OSBPL3: variants seen among roughly 807,000 people sequenced by gnomAD.
OSBPL3 encodes the protein oxysterol binding protein like 3.
In OSBPL3, 65 loss-of-function variants were observed where a neutral mutation model predicts 120.1. The ratio of observed to expected loss-of-function variants is 0.54; its 90% CI spans 0.44 to 0.67. The LOEUF (loss-of-function observed/expected upper bound fraction) is 0.67. Ranked by LOEUF, OSBPL3 falls within the 30% of genes least tolerant of loss-of-function variation. The pLI, the probability that OSBPL3 is intolerant of heterozygous loss-of-function variation, is 0.00. For missense variants in OSBPL3, 1,004 were observed against 1,082.1 expected (o/e 0.93, Z 1.01); for synonymous variants, 416 against 402.6 (o/e 1.03, Z -0.40).
chr7:24,977,675 T>C (rs770833695), intron 1 of OSBPL3, among the ~76,000 whole-genome samples: 1 of 152,034 alleles, frequency 6.6e-6, no homozygotes, highest in Non-Finnish European at 1.5e-5. Context: ...GCTAACACGG[T>C]GAAACCCCGT....
chr7:24,979,420 C>A (rs1817954963), intron 1 of OSBPL3, among the ~76,000 whole-genome samples: 1 of 152,096 alleles, frequency 6.6e-6, no homozygotes, highest in Admixed American at 6.5e-5. Context: ...GGCGGGCGAG[C>A]GGAGCGCCTG....
At chr7:24,963,896 C>G (rs1816081702) in intron 1 of OSBPL3, among the ~76,000 whole-genome samples, 1 of 151,910 alleles carries the variant, frequency 6.6e-6, no homozygotes, top group Non-Finnish European at 1.5e-5. Flanking sequence ...GGGACAAGGA[C>G]TATACAAGAT....
Position 24,852,411 on chromosome 7 carries a change from G to A in OSBPL3, c.1158+93C>T, listed in dbSNP as rs1313188996. On this transcript the variant is annotated intron_variant, in intron 11 of 22. Transcript: ENST00000313367. This position sits in a 1 kb window ranked among gnomAD's most constrained non-coding sequence, Gnocchi z 4.1. Reference sequence around the variant, plus strand: ...AATTTGGATAATTTGGTTTTCTCCTGAATTTTCAACATAATCATGGAAATA... The same window carrying A: ...AATTTGGATAATTTGGTTTTCTCCTAAATTTTCAACATAATCATGGAAATA... 4 of 1,206,602 alleles carry A rather than the reference G, an allele frequency of 3.3e-6. No individual in the cohort carries two copies. In the African/African-American group the frequency reaches 6.2e-5, roughly 19 times the overall value. 74.7% of individuals were successfully genotyped at this position (1,206,602 alleles called of 1,614,324 possible). A position where few individuals can be genotyped will look rare whatever the true frequency, so the allele number is the denominator to read the frequency against.
At chr7:24,828,656 C>G (rs1215025489) in intron 16 of OSBPL3, among the ~76,000 whole-genome samples, 1 of 141,694 alleles carries the variant, frequency 7.1e-6, no homozygotes, top group African/African-American at 2.5e-5. Context: ...GAAGTTCCCA[C>G]TAAATATAAG....
At chr7:24,971,087 G>A (rs1816967871) in intron 1 of OSBPL3, among the ~76,000 whole-genome samples, 1 of 152,242 alleles carries the variant, frequency 6.6e-6, no homozygotes, top group Admixed American at 6.5e-5. Flanking sequence ...AGAGGCAGTG[G>A]CCCAAGGCCC....
intron 1 of OSBPL3, among the ~76,000 whole-genome samples, chr7:24,901,243 C>G (rs1430183676): frequency 1.3e-5 from 2 of 150,660 alleles, no homozygotes; most frequent in Non-Finnish European, 2.9e-5. Flanking sequence ...AGGAGAATTG[C>G]TTGAACCCAG....
chr7:24,959,660 A>G lies in OSBPL3; in HGVS notation c.-150+20226T>C, dbSNP rs984470025. Among the ~76,000 whole-genome samples, 1 of 152,220 alleles carries G rather than the reference A, an allele frequency of 6.6e-6. No individual in the cohort carries two copies. Among genetic ancestry groups the G allele is most frequent in the African/African-American group, 2.4e-5 (1 of 41,460 alleles). The stretch of plus-strand genomic sequence containing the variant: ...TAGATTATATGTTGATGCTTTGTAT[A>G]CTTTTCTGCAGGCATATTATACTTT... On this transcript the variant is annotated intron_variant, in intron 1 of 22. Coordinates refer to ENST00000313367, the MANE Select transcript of OSBPL3 (RefSeq NM_015550.4). This position sits in a 1 kb window ranked among gnomAD's most constrained non-coding sequence, Gnocchi z 4.3.
intron 1 of OSBPL3, among the ~76,000 whole-genome samples, chr7:24,941,556 A>G (rs917771610): frequency 6.6e-6 from 1 of 152,138 alleles, no homozygotes; most frequent in Non-Finnish European, 1.5e-5. Context: ...ACTCCTCTCT[A>G]TGCAAAGACC....
rs1816121295 is a variant in OSBPL3 at position 24,964,210 on chromosome 7, G to T, written c.-150+15676C>A. ...GCTACACCACCCTCAAGGAAGTGCAGTGTAACTCCCCACTCCTTAAGTATG... is the reference window on the plus strand; with the variant it reads ...GCTACACCACCCTCAAGGAAGTGCATTGTAACTCCCCACTCCTTAAGTATG... On this transcript the variant is annotated intron_variant, in intron 1 of 22. Transcript: ENST00000313367. This position sits in a 1 kb window ranked among gnomAD's most constrained non-coding sequence, Gnocchi z 4.2. 6.6e-6 allele frequency among the ~76,000 whole-genome samples: 1 copy of T among 152,176 alleles called. No individual in the cohort carries two copies. Among genetic ancestry groups the T allele is most frequent in the Non-Finnish European group, 1.5e-5 (1 of 68,028 alleles).
chr7:24,964,541 C>T lies in OSBPL3; in HGVS notation c.-150+15345G>A, dbSNP rs945669037. Among the ~76,000 whole-genome samples the T allele has an allele frequency of 1.3e-5, 2 of 152,146 alleles. No individual in the cohort carries two copies. The highest frequency in any genetic ancestry group is 4.8e-5 in the African/African-American group (2 of 41,430). ...CACTACTCCTCAAAGCTCTCGAGGTCATCAAACACAAGGAAAGCCTGAGAA... is the reference window on the plus strand; with the variant it reads ...CACTACTCCTCAAAGCTCTCGAGGTTATCAAACACAAGGAAAGCCTGAGAA... On this transcript the variant is annotated intron_variant, in intron 1 of 22. Coordinates refer to ENST00000313367, the MANE Select transcript of OSBPL3 (RefSeq NM_015550.4). The surrounding 1 kb of genome is among the most constrained non-coding windows in gnomAD (Gnocchi z 4.2).
intron 2 of OSBPL3, among the ~76,000 whole-genome samples, chr7:24,890,363 G>T (rs562578256): frequency 7.2e-5 from 11 of 152,238 alleles, no homozygotes; most frequent in African/African-American, 2.2e-4. Flanking sequence ...TTTAGCAACC[G>T]ACAGACCATC....
Position 24,830,818 on chromosome 7 carries a change from T to G in OSBPL3, c.1834A>C (p.Thr612Pro). ...SKPFNPVLGE[T>P]YECIREDKGF... ...TTGTCCTCCCGAATACATTCATATG[T>G]TTCTCCAAGAACCGGATTAAATGGC... is the stretch of plus-strand genomic sequence containing the variant. The change falls in exon 16 of 23, where the codon ACA (threonine) becomes CCA (proline). Residue 612 changes from threonine (T) to proline (P), a missense_variant. By Grantham distance (38) the Thr-to-Pro change is conservative. Transcript: ENST00000313367. This position sits in a 1 kb window ranked among gnomAD's most constrained non-coding sequence, Gnocchi z 4.4. 3.1e-6 allele frequency: 5 copies of G among 1,614,122 alleles called. No homozygotes were observed. Among genetic ancestry groups the G allele is most frequent in the Non-Finnish European group, 4.2e-6 (5 of 1,180,008 alleles).
rs986372738 is a variant in OSBPL3 at position 24,966,470 on chromosome 7, G to C, written c.-150+13416C>G. Among the ~76,000 whole-genome samples, 2 of 152,182 alleles carry C rather than the reference G, an allele frequency of 1.3e-5. No homozygotes were observed. Among genetic ancestry groups the C allele is most frequent in the Admixed American group, 6.5e-5 (1 of 15,282 alleles). ...ATGCAGAACTCAAAGTAACAAACAAGCTGGAATGTTATTTTGCCCCACGCG... is the reference window on the plus strand; with the variant it reads ...ATGCAGAACTCAAAGTAACAAACAACCTGGAATGTTATTTTGCCCCACGCG... On this transcript the variant is annotated intron_variant, in intron 1 of 22. Coordinates refer to ENST00000313367, the MANE Select transcript of OSBPL3 (RefSeq NM_015550.4). This position sits in a 1 kb window ranked among gnomAD's most constrained non-coding sequence, Gnocchi z 4.8.
chr7:24,942,447 C>A (rs1046421086), intron 1 of OSBPL3, among the ~76,000 whole-genome samples: 2 of 56,974 alleles, frequency 3.5e-5, no homozygotes, highest in African/African-American at 2.5e-4. Flanking sequence ...AGATCCTTCA[C>A]GGGCCTCTTC....
In OSBPL3 at chr7:24,881,846, T is replaced by C. The variant is rs1234975011; in HGVS notation, c.97-9777A>G. Among the ~76,000 whole-genome samples, 1 of 152,220 alleles carries C rather than the reference T, an allele frequency of 6.6e-6. No individual in the cohort carries two copies. Among genetic ancestry groups the C allele is most frequent in the Non-Finnish European group, 1.5e-5 (1 of 68,040 alleles). On this transcript the variant is annotated intron_variant, in intron 2 of 22. Transcript: ENST00000313367. This position sits in a 1 kb window ranked among gnomAD's most constrained non-coding sequence, Gnocchi z 4.3. The stretch of plus-strand genomic sequence containing the variant: ...ATTCCTTGCTTCTCCCTCTGGTGGC[T>C]GCCAGCATTCCATGGCATGGCTTGG...
In OSBPL3 at chr7:24,867,453, T is replaced by C. The variant is rs1474095250; in HGVS notation, c.382-1216A>G. 6.6e-6 allele frequency among the ~76,000 whole-genome samples: 1 copy of C among 152,188 alleles called. No individual in the cohort carries two copies. The highest frequency in any genetic ancestry group is 1.5e-5 in the Non-Finnish European group (1 of 68,038). ...ATTCCCACATTTTGTGGGAGGGACC[T>C]GGTCAGTGAGAGGTAACTGGATCAT... On this transcript the variant is annotated intron_variant, in intron 5 of 22. Coordinates refer to ENST00000313367, the MANE Select transcript of OSBPL3 (RefSeq NM_015550.4). The surrounding 1 kb of genome is among the most constrained non-coding windows in gnomAD (Gnocchi z 4.5).
At chr7:24,840,999 C>T (rs181193172) in intron 13 of OSBPL3, among the ~76,000 whole-genome samples, 1 of 152,274 alleles carries the variant, frequency 6.6e-6, no homozygotes, top group Non-Finnish European at 1.5e-5. Flanking sequence ...TTAGTTCTCA[C>T]AAGGAAAACA....
Position 24,852,722 on chromosome 7 carries a change from C to G in OSBPL3, c.1028-88G>C, listed in dbSNP as rs1186182995. ...AAAAACATATCTCTTATAAAAGAAA[C>G]AAGCAAAGTAACAGCCCTGAATATT... is the stretch of plus-strand genomic sequence containing the variant. On this transcript the variant is annotated intron_variant, in intron 10 of 22. Transcript: ENST00000313367. The surrounding 1 kb of genome is among the most constrained non-coding windows in gnomAD (Gnocchi z 4.1). 1.1e-6 allele frequency: 1 copy of G among 878,424 alleles called. No homozygotes were observed. The highest frequency in any genetic ancestry group is 1.6e-6 in the Non-Finnish European group (1 of 607,350). The allele number at this position is 878,424 out of a possible 1,614,324, so 54.4% of individuals were successfully genotyped here. A position where few individuals can be genotyped will look rare whatever the true frequency, so the allele number is the denominator to read the frequency against.
At chr7:24,915,789 C>T (rs898611143) in intron 1 of OSBPL3, among the ~76,000 whole-genome samples, 7 of 152,092 alleles carry the variant, frequency 4.6e-5, no homozygotes, top group African/African-American at 1.7e-4. Flanking sequence ...GTTGGCCAGA[C>T]TGGTCTCGAA....
Sources: allele counts gnomAD v4.1 joint callset (sites outside exome capture counted in the v4.1 genomes callset), GRCh38; gene constraint gnomAD v4.1.1; non-coding constraint Gnocchi (gnomAD v3.1); transcripts MANE v1.5; gene names NCBI Gene and HGNC (gene_info 2026-07-23, HGNC 2026-07-21).